Variants in BRCA1 observed in about 807,000 individuals in gnomAD.
BRCA1 encodes breast cancer type 1 susceptibility protein.
BRCA1 carries 140 observed loss-of-function variants against 173.7 expected under a neutral mutation model. The observed-to-expected ratio is 0.81, with a 90% CI of 0.70 to 0.93. BRCA1 has a LOEUF of 0.93. Ranked by LOEUF, BRCA1 falls within the 40% of genes least tolerant of loss-of-function variation. The pLI is 0.00. For missense variants in BRCA1, 1,983 were observed against 2,172.5 expected (o/e 0.91, Z 1.73); for synonymous variants, 662 against 756.0 (o/e 0.88, Z 2.04).
chr17:43,092,079 T>G lies in BRCA1; in HGVS notation c.3452A>C (p.Asp1151Ala), dbSNP rs1419874153. The stretch of plus-strand genomic sequence containing the variant: ...TATTTCACCATCATCTAACAGGTCA[T>G]CAGGTGTCTCAGAACAAACCTGAGA... ...HASQVCSETP[D>A]DLLDDGEIKE... The change falls in exon 10 of 23, where the codon GAT (aspartate) becomes GCT (alanine). Residue 1151 changes from aspartate to alanine, a missense_variant. Coordinates refer to ENST00000357654, the MANE Select transcript of BRCA1 (RefSeq NM_007294.4). 6.2e-7 allele frequency: 1 copy of G among 1,614,074 alleles called. No individual in the cohort carries two copies. Among genetic ancestry groups the G allele is most frequent in the East Asian group, 2.2e-5 (1 of 44,886 alleles).
At chr17:43,113,666 C>G (rs2055139033) in intron 3 of BRCA1, among the ~76,000 whole-genome samples, 1 of 152,158 alleles carries the variant, frequency 6.6e-6, no homozygotes, top group Non-Finnish European at 1.5e-5. Context: ...CGCGCCCGTC[C>G]TCTATTTTCT....
At chr17:43,105,054 A>C in intron 4 of BRCA1, 98 bp from the exon 5 acceptor site, 1 of 964,032 alleles carries the variant, frequency 1.0e-6, no homozygotes. Flanking sequence ...TAAAAATAAG[A>C]TGCAGCAACA....
At chr17:43,046,991 A>G (rs992731512) in intron 22 of BRCA1, among the ~76,000 whole-genome samples, 3 of 152,240 alleles carry the variant, frequency 2.0e-5, no homozygotes, top group African/African-American at 7.2e-5. Context: ...ATCACATTTT[A>G]TAAAATACAC....
At chr17:43,123,679 G>A (rs1306388446) in intron 2 of BRCA1, among the ~76,000 whole-genome samples, 1 of 152,076 alleles carries the variant, frequency 6.6e-6, no homozygotes, top group Non-Finnish European at 1.5e-5. Context: ...CATTTCAAGT[G>A]ATGGAGCTTG....
intron 1 of BRCA1, chr17:43,139,067 G>T (rs779267309): frequency 1.4e-4 from 90 of 663,488 alleles, no homozygotes; most frequent in Non-Finnish European, 2.3e-4. Flanking sequence ...CCTATCTGGG[G>T]TAGTGTAACG....
intron 3 of BRCA1, among the ~76,000 whole-genome samples, chr17:43,109,518 G>A (rs555530019): frequency 2.0e-5 from 3 of 152,176 alleles, no homozygotes; most frequent in African/African-American, 2.4e-5. Context: ...CTTCTTCGCC[G>A]ATATAGATGC....
intron 19 of BRCA1, among the ~76,000 whole-genome samples, chr17:43,053,661 T>C (rs1056362782): frequency 2.0e-5 from 3 of 151,272 alleles, no homozygotes; most frequent in African/African-American, 7.3e-5. Context: ...AGCGAGACTC[T>C]GTCTCAAAAA....
chr17:43,129,564 C>T (rs1262447360), upstream of BRCA1, among the ~76,000 whole-genome samples: 1 of 152,052 alleles, frequency 6.6e-6, no homozygotes, highest in African/African-American at 2.4e-5. Flanking sequence ...AACTCTGTCT[C>T]CCGGGTTCAC....
intron 1 of BRCA1, among the ~76,000 whole-genome samples, chr17:43,165,040 G>A (rs2056258482): frequency 6.6e-6 from 1 of 152,008 alleles, no homozygotes; most frequent in African/African-American, 2.4e-5. Context: ...ATTTAACAGT[G>A]CTTCTCGTAT....
Position 43,099,805 on chromosome 17 carries a change from G to GTTGT in BRCA1, c.513_516dup (p.Pro173ThrfsTer10). On this transcript the variant is annotated frameshift_variant, in exon 7 of 23. Transcript: ENST00000357654. LOFTEE classifies it high-confidence loss of function. Reference sequence around the variant, plus strand: ...TCAATGTAGACAGACGTCTTTTGAGGTTGTATCCGCTGCTTTGTCCTCAGA... The same window carrying GTTGT: ...TCAATGTAGACAGACGTCTTTTGAGGTTGTTTGTATCCGCTGCTTTGTCCTCAGA... 1 of 1,613,036 alleles carries GTTGT rather than the reference G, an allele frequency of 6.2e-7. No individual in the cohort carries two copies. Among genetic ancestry groups the GTTGT allele is most frequent in the Non-Finnish European group, 8.5e-7 (1 of 1,179,046 alleles).
chr17:43,064,068 A>T (rs2051945799), intron 16 of BRCA1, 117 bp from the exon 17 acceptor site: 1 of 823,770 alleles, frequency 1.2e-6, no homozygotes, highest in Admixed American at 2.0e-5. Flanking sequence ...TGGATTTATG[A>T]TTCTAAAACC....
In BRCA1 at chr17:43,064,827, ATT is replaced by A. The variant is rs60879064; in HGVS notation, c.5075-878_5075-877del. 2.7e-3 allele frequency among the ~76,000 whole-genome samples: 291 copies of A among 106,660 alleles called. 2 individuals carry two copies. The highest frequency in any genetic ancestry group is 3.2e-3 in the East Asian group (13 of 4,046). 70.0% of individuals were successfully genotyped at this position (106,660 alleles called of 152,430 possible). A position where few individuals can be genotyped will look rare whatever the true frequency, so the allele number is the denominator to read the frequency against. On this transcript the variant is annotated intron_variant, in intron 16 of 22. Transcript: ENST00000357654. ...CTGAACTACTTTAGATTTGATTTGC[ATT>A]TTTTTTTTTTTTTTTTTTTGAGATG...
At position 43,092,251 on chromosome 17, in the gene BRCA1, A is replaced by G. The variant is rs1555588026; in HGVS notation, c.3280T>C (p.Tyr1094His). 1 of 1,613,726 alleles carries G rather than the reference A, an allele frequency of 6.2e-7. No individual in the cohort carries two copies. The highest frequency in any genetic ancestry group is 8.5e-7 in the Non-Finnish European group (1 of 1,179,990). Residue 1094 changes from tyrosine (Y) to histidine (H), a missense_variant, in exon 10 of 23, where the codon TAT (tyrosine) becomes CAT (histidine). Physicochemically the swap from Tyr to His is moderately conservative, Grantham distance 83. Coordinates refer to ENST00000357654, the MANE Select transcript of BRCA1 (RefSeq NM_007294.4). ...LRLGVLQPEV[Y>H]KQSLPGSNCK... Reference sequence around the variant, plus strand: ...TTACTTCCAGGAAGACTTTGTTTATAGACCTCAGGTTGCAAAACCCCTAAT... The same window carrying G: ...TTACTTCCAGGAAGACTTTGTTTATGGACCTCAGGTTGCAAAACCCCTAAT...
chr17:43,125,069 C>A, intron 1 of BRCA1: 2 of 441,998 alleles, frequency 4.5e-6, no homozygotes, highest in Non-Finnish European at 9.1e-6. Context: ...ACACTCAGTG[C>A]CCCCTTCCTG....
chr17:43,113,874 G>C (rs1395838743), intron 3 of BRCA1, among the ~76,000 whole-genome samples: 1 of 152,124 alleles, frequency 6.6e-6, no homozygotes, highest in Admixed American at 6.6e-5. Context: ...AGGAGTTTGA[G>C]AGCAGCCTGG....
rs868485085 is a variant in BRCA1 at position 43,044,380 on chromosome 17, C to G, written c.*1298G>C. ...TTTTGTACAATCAAGTCTTCACTGCCCTTGCACACTGGGGGGGCTAGGGAA... is the reference window on the plus strand; with the variant it reads ...TTTTGTACAATCAAGTCTTCACTGCGCTTGCACACTGGGGGGGCTAGGGAA... On this transcript the variant is annotated 3_prime_UTR_variant, in exon 23 of 23. Transcript: ENST00000357654. 2.0e-6 allele frequency: 1 copy of G among 505,472 alleles called. No individual in the cohort carries two copies. The highest frequency in any genetic ancestry group is 1.9e-5 in the African/African-American group (1 of 52,324). The allele number at this position is 505,472 out of a possible 1,614,324, so 31.3% of individuals were successfully genotyped here.
chr17:43,045,665 T>G lies in BRCA1; in HGVS notation c.*13A>C, dbSNP rs762552027. 6.2e-6 allele frequency: 10 copies of G among 1,613,710 alleles called. No homozygotes were observed. Among genetic ancestry groups the G allele is most frequent in the Middle Eastern group, 1.7e-4 (1 of 6,050 alleles). ...TTGGGGTCCTGTGGCTCTGTACCTG[T>G]GGCTGGCTGCAGTCAGTAGTGGCTG... On this transcript the variant is annotated 3_prime_UTR_variant, in exon 23 of 23. Transcript: ENST00000357654.
chr17:43,140,661 G>A (rs1026255534), intron 1 of BRCA1, among the ~76,000 whole-genome samples: 1 of 152,136 alleles, frequency 6.6e-6, no homozygotes, highest in Non-Finnish European at 1.5e-5. Context: ...GCAGAACCAC[G>A]GCTGGCTCCA....
At chr17:43,165,485 G>T (rs1374262952) in intron 1 of BRCA1, among the ~76,000 whole-genome samples, 12 of 149,698 alleles carry the variant, frequency 8.0e-5, no homozygotes, top group Admixed American at 1.3e-4. Context: ...CATATAAACT[G>T]TTTTTTTTTT....
Sources: gnomAD v4.1 joint callset for allele counts (sites outside exome capture counted in the v4.1 genomes callset) on GRCh38, gnomAD v4.1.1 for gene constraint, MANE v1.5 for transcripts, NCBI Gene and HGNC (gene_info 2026-07-23, HGNC 2026-07-21) for gene names.